TAOK1: variants seen among roughly 807,000 people sequenced by gnomAD.
The protein encoded by TAOK1 is serine/threonine-protein kinase TAO1.
A neutral mutation model predicts 138.3 loss-of-function variants in TAOK1; 21 were observed. The ratio of observed to expected loss-of-function variants is 0.15; its 90% CI spans 0.11 to 0.22. The LOEUF (loss-of-function observed/expected upper bound fraction) is 0.22, where lower values mean the gene tolerates loss of function less well. TAOK1 is among the 10% of genes least tolerant of loss of function. TAOK1 has a pLI of 1.00. For synonymous variants in TAOK1, 361 were observed against 398.4 expected, an observed-to-expected ratio of 0.91 and a Z score of 1.12; for missense variants, 651 against 1,227.7, an observed-to-expected ratio of 0.53 and a Z score of 7.02.
chr17:29,481,857 G>T (rs1339872539), intron 7 of TAOK1, among the ~76,000 whole-genome samples: 1 of 152,170 alleles, frequency 6.6e-6, no homozygotes, highest in Middle Eastern at 3.2e-3. Flanking sequence ...CTACTCGGGA[G>T]GCTGAGGCAG....
intron 1 of TAOK1, among the ~76,000 whole-genome samples, chr17:29,394,150 G>GGTTTTT (rs1904513941): frequency 6.2e-5 from 3 of 48,248 alleles, no homozygotes; most frequent in Non-Finnish European, 1.1e-4. Context: ...TAATTTGCCA[G>GGTTTTT]TTTTTTTTTT....
At chr17:29,472,263 T>G (rs2030836626) in intron 3 of TAOK1, among the ~76,000 whole-genome samples, 1 of 151,802 alleles carries the variant, frequency 6.6e-6, no homozygotes, top group Admixed American at 6.6e-5. Context: ...TGTGTTTTTT[T>G]TTTTTTTGAG....
At chr17:29,533,283 G>A (rs1180947126) in intron 18 of TAOK1, among the ~76,000 whole-genome samples, 2 of 150,834 alleles carry the variant, frequency 1.3e-5, no homozygotes, top group Admixed American at 1.3e-4. Flanking sequence ...TAGATGGGAT[G>A]GCGGCCGGGA....
intron 8 of TAOK1, among the ~76,000 whole-genome samples, chr17:29,487,260 A>C (rs2031192094): frequency 9.4e-6 from 1 of 106,536 alleles, no homozygotes; most frequent in Admixed American, 1.1e-4. Context: ...AAAAAAAAAA[A>C]AAAAAAAAAA....
chr17:29,495,495 C>G, intron 10 of TAOK1, 65 bp from the exon 11 acceptor site: 1 of 1,354,890 alleles, frequency 7.4e-7, no homozygotes, highest in Non-Finnish European at 1.0e-6. Flanking sequence ...TCTCTAGGGT[C>G]TGAGAAGGAG....
chr17:29,468,796 G>A (rs2030743808), intron 3 of TAOK1, among the ~76,000 whole-genome samples: 1 of 152,080 alleles, frequency 6.6e-6, no homozygotes, highest in Non-Finnish European at 1.5e-5. Flanking sequence ...CAATCCACCT[G>A]CCTTGGCCTC....
chr17:29,479,651 A>G (rs1288500793), intron 6 of TAOK1, among the ~76,000 whole-genome samples: 3 of 152,204 alleles, frequency 2.0e-5, no homozygotes, highest in Non-Finnish European at 2.9e-5. Flanking sequence ...CTAAAATATT[A>G]TAGTGAGAAT....
chr17:29,530,472 A>G lies in TAOK1; in HGVS notation c.2214A>G (p.Lys738=). The G allele has an allele frequency of 6.2e-7, 1 of 1,614,140 alleles. No individual in the cohort carries two copies. The highest frequency in any genetic ancestry group is 1.1e-5 in the South Asian group (1 of 91,082). ...DTCKIQTRQY[K]ALRNHLLETT... Reference sequence around the variant, plus strand: ...GCAAAATCCAAACCAGACAGTACAAAGCATTAAGAAATCACCTGCTGGAGA... The same window carrying G: ...GCAAAATCCAAACCAGACAGTACAAGGCATTAAGAAATCACCTGCTGGAGA... The change falls in exon 18 of 20, where the codon AAA becomes AAG. Residue 738 remains lysine (K), a synonymous_variant. Transcript: ENST00000261716.
In TAOK1 at chr17:29,491,435, T is replaced by A. The variant is rs573958080; in HGVS notation, c.750-349T>A. Among the ~76,000 whole-genome samples, 5 of 152,026 alleles carry A rather than the reference T, an allele frequency of 3.3e-5. No individual in the cohort carries two copies. The South Asian group carries it at 1.0e-3, about 32-fold the overall frequency. ...AGAAAGAGCTTATTATAAGAAAGGC[T>A]TAGCAAAAAGGAAAATAGAAAGGAA... On this transcript the variant is annotated intron_variant, in intron 9 of 19. Transcript: ENST00000261716.
Position 29,462,405 on chromosome 17 carries a change from A to G in TAOK1, c.133-4740A>G, listed in dbSNP as rs141135627. ...GTGATGTCAGTAGATGGGTCACACA[A>G]TAAGAAATATAATATAAAAGCCAAA... On this transcript the variant is annotated intron_variant, in intron 2 of 19. Transcript: ENST00000261716. Among the ~76,000 whole-genome samples, 31 of 152,358 alleles carry G rather than the reference A, an allele frequency of 2.0e-4. 1 individual carries two copies. In the East Asian group the frequency reaches 4.6e-3, roughly 23 times the overall value.
intron 1 of TAOK1, among the ~76,000 whole-genome samples, chr17:29,425,543 G>A (rs957461367): frequency 6.6e-6 from 1 of 152,162 alleles, no homozygotes; most frequent in Non-Finnish European, 1.5e-5. Flanking sequence ...GCTGAGTAAG[G>A]TGGTGTGTGC....
At chr17:29,407,465 A>G (rs940103660) in intron 1 of TAOK1, among the ~76,000 whole-genome samples, 1 of 151,828 alleles carries the variant, frequency 6.6e-6, no homozygotes, top group Non-Finnish European at 1.5e-5. Flanking sequence ...TATTTTTTTG[A>G]GACAGAGTCT....
intron 15 of TAOK1, among the ~76,000 whole-genome samples, chr17:29,516,197 G>A (rs1236731996): frequency 6.6e-6 from 1 of 152,048 alleles, no homozygotes; most frequent in Admixed American, 6.6e-5. Context: ...CCAACCTCAG[G>A]TGATCTGCCC....
At position 29,522,513 on chromosome 17, in the gene TAOK1, T is replaced by G; in HGVS notation, c.2142T>G (p.Ser714Arg). 1 of 1,613,636 alleles carries G rather than the reference T, an allele frequency of 6.2e-7. No individual in the cohort carries two copies. Among genetic ancestry groups the G allele is most frequent in the Non-Finnish European group, 8.5e-7 (1 of 1,179,902 alleles). The change falls in exon 17 of 20, where the codon AGT (serine) becomes AGG (arginine). Residue 714 changes from serine (S) to arginine (R), a missense_variant. Ser to Arg is a moderately radical substitution (Grantham distance 110). Transcript: ENST00000261716. ...TGGAAGTTCGACAACAGCCTAAGAG[T>G]TTGAAGGTATGGTTAGCCTAAGCTT... Reference protein sequence around the residue: ...HVMEVRQQPKSLKSKELQIKK... With the variant: ...HVMEVRQQPKRLKSKELQIKK...
intron 1 of TAOK1, among the ~76,000 whole-genome samples, chr17:29,416,027 C>CACTTGCACT (rs1464147865): frequency 1.1e-4 from 16 of 152,136 alleles, no homozygotes; most frequent in Admixed American, 7.9e-4. Context: ...CTTGGGGAGG[C>CACTTGCACT]TGAGGCAGGC....
intron 1 of TAOK1, among the ~76,000 whole-genome samples, chr17:29,419,002 T>C (rs1196644350): frequency 1.3e-5 from 2 of 151,740 alleles, no homozygotes; most frequent in African/African-American, 4.8e-5. Context: ...GCTGGTTTTT[T>C]GGGATTTTGT....
At chr17:29,540,823 G>A (rs2032303295) in intron 19 of TAOK1, among the ~76,000 whole-genome samples, 1 of 151,990 alleles carries the variant, frequency 6.6e-6, no homozygotes, top group Non-Finnish European at 1.5e-5. Flanking sequence ...GCCTGCCTCA[G>A]CCTCCCAAAG....
chr17:29,440,220 A>G (rs1037065217), intron 1 of TAOK1, among the ~76,000 whole-genome samples: 2 of 152,220 alleles, frequency 1.3e-5, no homozygotes. Flanking sequence ...AAGCAAAATA[A>G]ACTAGAAAAT....
chr17:29,415,231 G>C (rs201637201), intron 1 of TAOK1, among the ~76,000 whole-genome samples: 26 of 152,284 alleles, frequency 1.7e-4, no homozygotes, highest in South Asian at 1.7e-3. Context: ...AGGCTCCAGA[G>C]TGCTGGGATT....
Sources: allele counts gnomAD v4.1 joint callset (sites outside exome capture counted in the v4.1 genomes callset), GRCh38; gene constraint gnomAD v4.1.1; transcripts MANE v1.5; gene names NCBI Gene and HGNC (gene_info 2026-07-23, HGNC 2026-07-21).